The following ALG10B variants were observed in gnomAD, a reference collection of about 807,000 sequenced individuals.
ALG10B encodes the protein ALG10 alpha-1,2-glucosyltransferase B, also known as dol-P-Glc:Glc(2)Man(9)GlcNAc(2)-PP-Dol alpha-1,2-glucosyltransferase B.
ALG10B carries 27 observed loss-of-function variants against 38.7 expected under a neutral mutation model. The ratio of observed to expected loss-of-function variants is 0.70; its 90% CI spans 0.51 to 0.96. The LOEUF (loss-of-function observed/expected upper bound fraction) is 0.96. Ranked by LOEUF, ALG10B falls within the 40% of genes least tolerant of loss-of-function variation. The pLI, the probability that ALG10B is intolerant of heterozygous loss-of-function variation, is 0.00. For missense variants in ALG10B, 522 were observed against 542.7 expected (o/e 0.96, Z 0.38); for synonymous variants, 177 against 193.3 (o/e 0.92, Z 0.70).
chr12:38,325,165 G>A lies in ALG10B; in HGVS notation c.*3952G>A, dbSNP rs1379371974. On this transcript the variant is annotated 3_prime_UTR_variant, in exon 3 of 3. Transcript: ENST00000308742. ...TTGAACTGCGTCTATGTATTTAAAT[G>A]ATTTGGAAAGATAGCATCTCTCAGT... The A allele has an allele frequency of 6.6e-6, 1 of 152,198 alleles. No individual in the cohort carries two copies. The highest frequency in any genetic ancestry group is 2.4e-5 in the African/African-American group (1 of 41,460). 9.4% of individuals were successfully genotyped at this position (152,198 alleles called of 1,614,324 possible). A position where few individuals can be genotyped will look rare whatever the true frequency, so the allele number is the denominator to read the frequency against.
chr12:38,327,587 T>C lies in ALG10B; in HGVS notation c.*6374T>C, dbSNP rs1439301851. The C allele has an allele frequency of 2.6e-5, 4 of 152,180 alleles. No individual in the cohort carries two copies. Among genetic ancestry groups the C allele is most frequent in the Non-Finnish European group, 5.9e-5 (4 of 68,020 alleles). 9.4% of individuals were successfully genotyped at this position (152,180 alleles called of 1,614,324 possible). On this transcript the variant is annotated 3_prime_UTR_variant, in exon 3 of 3. Coordinates refer to ENST00000308742, the MANE Select transcript of ALG10B (RefSeq NM_001013620.4). ...GTCACTAAATGAACATAGATTGGTA[T>C]GACTCCCAAGCCTGTGAGTTTTTGA...
intron 1 of ALG10B, chr12:38,317,352 G>GT (rs1364952973): frequency 2.0e-6 from 1 of 490,054 alleles, no homozygotes; most frequent in Non-Finnish European, 3.6e-6. Context: ...ATCCCACTTT[G>GT]TTTTTCCTTG....
In ALG10B at chr12:38,328,681, T is replaced by TA. The variant is rs77522662; in HGVS notation, c.*7476dup. 6,111 of 152,022 alleles carry TA rather than the reference T, an allele frequency of 0.04. 312 individuals carry two copies. Among genetic ancestry groups the TA allele is most frequent in the East Asian group, 0.12 (640 of 5,174 alleles). 9.4% of individuals were successfully genotyped at this position (152,022 alleles called of 1,614,324 possible). A position where few individuals can be genotyped will look rare whatever the true frequency, so the allele number is the denominator to read the frequency against. On this transcript the variant is annotated 3_prime_UTR_variant, in exon 3 of 3. Transcript: ENST00000308742. ...GCGTTGTATGAAGCTAAGATAAATG[T>TA]AAAAAAAACAAACAAAAAAAACCTC... is the stretch of plus-strand genomic sequence containing the variant.
rs780082142 is a variant in ALG10B, at chr12:38,318,377, C to A, written c.288C>A (p.Leu96=). ...ATGTTGTCTGCTCCATTGGGATGCT[C>A]AGATTTGTTAATCTTCTCTTCAGTG... ...SEHVVCSIGM[L]RFVNLLFSVG... The change falls in exon 2 of 3, where the codon CTC becomes CTA. Residue 96 remains leucine (L), a synonymous_variant. Coordinates refer to ENST00000308742, the MANE Select transcript of ALG10B (RefSeq NM_001013620.4). 29 of 1,614,042 alleles carry A rather than the reference C, an allele frequency of 1.8e-5. No homozygotes were observed. The highest frequency in any genetic ancestry group is 2.5e-5 in the Non-Finnish European group (29 of 1,180,020).
At chr12:38,316,715 A>G (rs1251788930), upstream of ALG10B, 3 of 1,016,238 alleles carry the variant, frequency 3.0e-6, no homozygotes, top group African/African-American at 3.1e-5. Flanking sequence ...CACTCCAGGA[A>G]ACAGCGACCC....
upstream of ALG10B, chr12:38,316,745 C>T (rs1386206259): frequency 6.7e-6 from 9 of 1,351,200 alleles, no homozygotes; most frequent in Non-Finnish European, 9.5e-6. Context: ...CGGATCCGCG[C>T]TCTCCCAGCA....
rs1945716473 is a variant in ALG10B, at chr12:38,323,088, T to C, written c.*1875T>C. 1 of 152,186 alleles carries C rather than the reference T, an allele frequency of 6.6e-6. No individual in the cohort carries two copies. Among genetic ancestry groups the C allele is most frequent in the Non-Finnish European group, 1.5e-5 (1 of 68,024 alleles). 9.4% of individuals were successfully genotyped at this position (152,186 alleles called of 1,614,324 possible). On this transcript the variant is annotated 3_prime_UTR_variant, in exon 3 of 3. Coordinates refer to ENST00000308742, the MANE Select transcript of ALG10B (RefSeq NM_001013620.4). ...ATGAACATAGAGTGCAGACTTCTCT[T>C]TGACATACGGATTTCAAATCTTCTG...
chr12:38,320,120 A>T (rs1732777991), intron 2 of ALG10B, 41 bp from the exon 3 acceptor site: 1 of 1,610,048 alleles, frequency 6.2e-7, no homozygotes, highest in South Asian at 1.1e-5. Flanking sequence ...AATAGCATTT[A>T]TCATTAAAAT....
At chr12:38,319,189 G>T (rs1301621640) in intron 2 of ALG10B, among the ~76,000 whole-genome samples, 2 of 152,166 alleles carry the variant, frequency 1.3e-5, no homozygotes, top group Non-Finnish European at 2.9e-5. Context: ...GCTTTTCTGG[G>T]AGGGAGAGGA....
chr12:38,325,467 T>C lies in ALG10B; in HGVS notation c.*4254T>C, dbSNP rs559364196. 4 of 152,284 alleles carry C rather than the reference T, an allele frequency of 2.6e-5. No individual in the cohort carries two copies. The highest frequency in any genetic ancestry group is 9.6e-5 in the African/African-American group (4 of 41,564). 9.4% of individuals were successfully genotyped at this position (152,284 alleles called of 1,614,324 possible). ...ATTTTTATTTATACCACCTAAATAGTGGACTGTTATTTTGGACTCACTTTT... is the reference window on the plus strand; with the variant it reads ...ATTTTTATTTATACCACCTAAATAGCGGACTGTTATTTTGGACTCACTTTT... On this transcript the variant is annotated 3_prime_UTR_variant, in exon 3 of 3. Coordinates refer to ENST00000308742, the MANE Select transcript of ALG10B (RefSeq NM_001013620.4).
Position 38,321,019 on chromosome 12 carries a change from C to T in ALG10B, c.1228C>T (p.Gln410Ter), listed in dbSNP as rs1221973703. ...FICLFIVIVP[Q>*]KLLEFRYFIL... is the part of the protein sequence containing the mutation. ...ATGCTTGTTCATTGTTATAGTTCCTCAGAAACTGCTGGAATTTCGTTACTT... is the reference window on the plus strand; with the variant it reads ...ATGCTTGTTCATTGTTATAGTTCCTTAGAAACTGCTGGAATTTCGTTACTT... Residue 410 changes from glutamine (Q) to a stop codon, truncating the protein, a stop_gained, in exon 3 of 3, where the codon CAG (glutamine) becomes TAG (stop). Coordinates refer to ENST00000308742, the MANE Select transcript of ALG10B (RefSeq NM_001013620.4). LOFTEE classifies it high-confidence loss of function. The T allele has an allele frequency of 1.2e-6, 2 of 1,613,064 alleles. No individual in the cohort carries two copies. The highest frequency in any genetic ancestry group is 2.2e-5 in the South Asian group (2 of 90,724).
In ALG10B at chr12:38,320,373, C is replaced by G. The variant is rs1945690829; in HGVS notation, c.582C>G (p.Val194=). The change falls in exon 3 of 3, where the codon GTC becomes GTG. Residue 194 remains valine (V), a synonymous_variant. Coordinates refer to ENST00000308742, the MANE Select transcript of ALG10B (RefSeq NM_001013620.4). Reference sequence around the variant, plus strand: ...GGCAAACAAATATCATCTGGGCTGTCTTCTGTGCAGGGAATGTCATTGCAC... The same window carrying G: ...GGCAAACAAATATCATCTGGGCTGTGTTCTGTGCAGGGAATGTCATTGCAC... The part of the protein sequence containing the change: ...MFRQTNIIWA[V]FCAGNVIAQK... The G allele has an allele frequency of 2.5e-6, 4 of 1,614,052 alleles. No individual in the cohort carries two copies. Among genetic ancestry groups the G allele is most frequent in the Admixed American group, 3.3e-5 (2 of 60,008 alleles).
At position 38,318,459 on chromosome 12, in the gene ALG10B, G is replaced by T; in HGVS notation, c.369+1G>T. On this transcript the variant is annotated splice_donor_variant, in intron 2 of 2. Coordinates refer to ENST00000308742, the MANE Select transcript of ALG10B (RefSeq NM_001013620.4). LOFTEE classifies it high-confidence loss of function. ...CCACAAGGTACAACCCAGAAACAAG[G>T]TATGTTTCAAAATACTTAATTACAA... The T allele has an allele frequency of 6.2e-7, 1 of 1,613,448 alleles. No homozygotes were observed. The highest frequency in any genetic ancestry group is 8.5e-7 in the Non-Finnish European group (1 of 1,179,430).
rs1945712207 is a variant in ALG10B, at chr12:38,322,476, T to A, written c.*1263T>A. 1 of 152,212 alleles carries A rather than the reference T, an allele frequency of 6.6e-6. No individual in the cohort carries two copies. Among genetic ancestry groups the A allele is most frequent in the South Asian group, 2.1e-4 (1 of 4,832 alleles). The allele number at this position is 152,212 out of a possible 1,614,324, so 9.4% of individuals were successfully genotyped here. On this transcript the variant is annotated 3_prime_UTR_variant, in exon 3 of 3. Coordinates refer to ENST00000308742, the MANE Select transcript of ALG10B (RefSeq NM_001013620.4). ...TGTTAGGAGACTACCTTTAAAAATT[T>A]TTTATTATATATCAAATTATAGTTG...
In ALG10B at chr12:38,322,078, G is replaced by A. The variant is rs112431870; in HGVS notation, c.*865G>A. 3 of 152,304 alleles carry A rather than the reference G, an allele frequency of 2.0e-5. No individual in the cohort carries two copies. The highest frequency in any genetic ancestry group is 1.9e-4 in the East Asian group (1 of 5,172). 9.4% of individuals were successfully genotyped at this position (152,304 alleles called of 1,614,324 possible). On this transcript the variant is annotated 3_prime_UTR_variant, in exon 3 of 3. Coordinates refer to ENST00000308742, the MANE Select transcript of ALG10B (RefSeq NM_001013620.4). Reference sequence around the variant, plus strand: ...GTCAGCAGAGTTGGTTCCTTCTGGAGGCTCTAAGGAAGAATCCATTCTATG... The same window carrying A: ...GTCAGCAGAGTTGGTTCCTTCTGGAAGCTCTAAGGAAGAATCCATTCTATG...
In ALG10B at chr12:38,325,886, A is replaced by T. The variant is rs1404849456; in HGVS notation, c.*4673A>T. ...TATTTATAAGTATGTCATATGATAA[A>T]TATTGAGTAAATATATACTGAATGA... On this transcript the variant is annotated 3_prime_UTR_variant, in exon 3 of 3. Coordinates refer to ENST00000308742, the MANE Select transcript of ALG10B (RefSeq NM_001013620.4). 1 of 152,182 alleles carries T rather than the reference A, an allele frequency of 6.6e-6. No homozygotes were observed. The highest frequency in any genetic ancestry group is 2.4e-5 in the African/African-American group (1 of 41,452). The allele number at this position is 152,182 out of a possible 1,614,324, so 9.4% of individuals were successfully genotyped here. A position where few individuals can be genotyped will look rare whatever the true frequency, so the allele number is the denominator to read the frequency against.
At position 38,324,336 on chromosome 12, in the gene ALG10B, C is replaced by A. The variant is rs56760551; in HGVS notation, c.*3123C>A. The A allele has an allele frequency of 0.041, 6,519 of 159,502 alleles. 496 individuals carry two copies. Among genetic ancestry groups the A allele is most frequent in the African/African-American group, 0.15 (6,201 of 40,902 alleles). The allele number at this position is 159,502 out of a possible 1,614,324, so 9.9% of individuals were successfully genotyped here. On this transcript the variant is annotated 3_prime_UTR_variant, in exon 3 of 3. Coordinates refer to ENST00000308742, the MANE Select transcript of ALG10B (RefSeq NM_001013620.4). ...GCGTGAGCCACTGTGCCCAGCTCTT[C>A]TAGTTCATTTTTAAGTGTTGAGTCC...
chr12:38,318,607 C>G, intron 2 of ALG10B, 149 bp downstream of exon 2: 3 of 921,456 alleles, frequency 3.3e-6, no homozygotes, highest in South Asian at 3.2e-5. Context: ...TTTAAATTCT[C>G]CATCTCCATT....
chr12:38,318,219 G>T (rs189481584), intron 1 of ALG10B, 42 bp from the exon 2 acceptor site: 1 of 1,609,444 alleles, frequency 6.2e-7, no homozygotes, highest in East Asian at 2.2e-5. Flanking sequence ...TGTCTTGTTC[G>T]TATTACCTCT....
Sources: gnomAD v4.1 joint callset for allele counts (sites outside exome capture counted in the v4.1 genomes callset) on GRCh38, gnomAD v4.1.1 for gene constraint, MANE v1.5 for transcripts, NCBI Gene and HGNC (gene_info 2026-07-23, HGNC 2026-07-21) for gene names.